Variants in PTPRT observed in about 807,000 individuals in gnomAD.
The protein encoded by PTPRT is receptor-type tyrosine-protein phosphatase T.
In PTPRT, 56 loss-of-function variants were observed where a neutral mutation model predicts 176.8. The ratio of observed to expected loss-of-function variants is 0.32; its 90% confidence interval spans 0.26 to 0.40. The LOEUF (loss-of-function observed/expected upper bound fraction) is 0.40, where lower values mean the gene tolerates loss of function less well. Ranked by LOEUF, PTPRT falls within the 10% of genes least tolerant of loss-of-function variation. The pLI, the probability that PTPRT is intolerant of heterozygous loss-of-function variation, is 1.00. For synonymous variants in PTPRT, 783 were observed against 739.0 expected, an observed-to-expected ratio of 1.06 and a Z score of -0.96; for missense variants, 1,540 against 1,908.2, an observed-to-expected ratio of 0.81 and a Z score of 3.60.
intron 16 of PTPRT, among the ~76,000 whole-genome samples, chr20:42,166,392 A>C (rs1169154160): frequency 6.6e-6 from 1 of 152,172 alleles, no homozygotes; most frequent in Non-Finnish European, 1.5e-5. Flanking sequence ...TGAGGAAATG[A>C]ATGTTTAATT....
chr20:42,632,153 C>T (rs994523839), intron 7 of PTPRT, among the ~76,000 whole-genome samples: 6 of 152,156 alleles, frequency 3.9e-5, no homozygotes, highest in African/African-American at 1.4e-4. Flanking sequence ...CATTGTCACA[C>T]ACTGTTGCTG....
chr20:42,299,641 C>CTTTTTTTTTTTTTTTTTT (rs34045854), intron 12 of PTPRT, among the ~76,000 whole-genome samples: 1 of 85,994 alleles, frequency 1.2e-5, no homozygotes, highest in Non-Finnish European at 2.1e-5. Flanking sequence ...GAACTTTTGC[C>CTTTTTTTTTTTTTTTTTT]TTTTTTTTTT....
intron 1 of PTPRT, among the ~76,000 whole-genome samples, chr20:42,903,829 G>C (rs1006412758): frequency 1.3e-5 from 2 of 152,158 alleles, no homozygotes; most frequent in South Asian, 2.1e-4. Context: ...ATGGTGTCTT[G>C]GGTAGATGTA....
intron 11 of PTPRT, among the ~76,000 whole-genome samples, chr20:42,323,274 G>T (rs1401116932): frequency 6.6e-6 from 1 of 152,102 alleles, no homozygotes; most frequent in Non-Finnish European, 1.5e-5. Flanking sequence ...ATACCCAAAG[G>T]ATTATAAATC....
intron 14 of PTPRT, among the ~76,000 whole-genome samples, chr20:42,239,090 G>T (rs921340808): frequency 6.6e-6 from 1 of 152,048 alleles, no homozygotes; most frequent in African/African-American, 2.4e-5. Flanking sequence ...TCAGTAAAGG[G>T]TGGCTTATGT....
intron 7 of PTPRT, among the ~76,000 whole-genome samples, chr20:42,526,260 C>G (rs960003311): frequency 1.3e-5 from 2 of 152,070 alleles, no homozygotes; most frequent in African/African-American, 4.8e-5. Flanking sequence ...TCTTTGGGGC[C>G]ACCACATATG....
chr20:42,051,234 CAG>C, the PTPRT span, among the ~76,000 whole-genome samples: 1 of 152,092 alleles, frequency 6.6e-6, no homozygotes, highest in Non-Finnish European at 1.5e-5. Flanking sequence ...AGCAGTGTGT[CAG>C]TGTGTCAGTG....
chr20:42,807,997 T>C (rs2077637621), intron 2 of PTPRT, among the ~76,000 whole-genome samples: 2 of 152,162 alleles, frequency 1.3e-5, no homozygotes, highest in Non-Finnish European at 2.9e-5. Context: ...CAGTAGCCCC[T>C]CCAGGGACTG....
At chr20:42,232,813 CAAAAAAAAAA>C (rs5841454) in intron 15 of PTPRT, among the ~76,000 whole-genome samples, 3 of 63,242 alleles carry the variant, frequency 4.7e-5, no homozygotes, top group East Asian at 8.4e-4. Context: ...CTCTGTTTTA[CAAAAAAAAAA>C]AAAAAAAAAA....
chr20:42,254,759 T>G (rs2056608820), intron 13 of PTPRT, among the ~76,000 whole-genome samples: 1 of 152,206 alleles, frequency 6.6e-6, no homozygotes, highest in Non-Finnish European at 1.5e-5. Context: ...TCCAAAGTCC[T>G]GCATCAGAGT....
chr20:42,281,502 T>C (rs1377001647), intron 13 of PTPRT, among the ~76,000 whole-genome samples: 3 of 152,194 alleles, frequency 2.0e-5, no homozygotes, highest in Admixed American at 1.3e-4. Context: ...GTAGATTTTT[T>C]TCTCTCTTTT....
chr20:43,056,903 C>T (rs1381171209), intron 1 of PTPRT, among the ~76,000 whole-genome samples: 2 of 152,072 alleles, frequency 1.3e-5, no homozygotes, highest in Non-Finnish European at 2.9e-5. Flanking sequence ...GGAAATTTTT[C>T]CTCAAGCGTC....
chr20:42,120,922 T>C (rs1173833646), intron 19 of PTPRT, among the ~76,000 whole-genome samples: 1 of 152,236 alleles, frequency 6.6e-6, no homozygotes, highest in East Asian at 1.9e-4. Context: ...TTGACAGTCC[T>C]GAAATCCACT....
chr20:42,808,121 C>A (rs75816727), intron 2 of PTPRT, among the ~76,000 whole-genome samples: 1 of 152,178 alleles, frequency 6.6e-6, no homozygotes, highest in Non-Finnish European at 1.5e-5. Context: ...CAGACTCGGA[C>A]GGGCCATTTT....
At chr20:42,316,078 C>T (rs554136266) in intron 11 of PTPRT, 82 bp from the exon 12 acceptor site, 7 of 1,472,732 alleles carry the variant, frequency 4.8e-6, no homozygotes, top group East Asian at 2.3e-5. Flanking sequence ...GTCAACCCAA[C>T]TTCTCCTATG....
intron 1 of PTPRT, among the ~76,000 whole-genome samples, chr20:43,030,330 T>C (rs1294182099): frequency 6.6e-6 from 1 of 152,016 alleles, no homozygotes; most frequent in East Asian, 1.9e-4. Context: ...CTATCAGGAG[T>C]TGTGGAGGGC....
At chr20:42,697,727 A>G (rs572347437) in intron 6 of PTPRT, among the ~76,000 whole-genome samples, 3 of 152,370 alleles carry the variant, frequency 2.0e-5, no homozygotes, top group South Asian at 2.1e-4. Flanking sequence ...CTTTGTGGGC[A>G]TGTACACAAT....
intron 12 of PTPRT, among the ~76,000 whole-genome samples, chr20:42,303,520 C>T (rs1394325119): frequency 5.3e-5 from 8 of 152,192 alleles, no homozygotes; most frequent in Admixed American, 4.6e-4. Context: ...GGACTTTTAA[C>T]TGCATTTTTC....
At chr20:42,481,777 A>AACAC (rs11468323) in intron 7 of PTPRT, among the ~76,000 whole-genome samples, 100 of 144,598 alleles carry the variant, frequency 6.9e-4, no homozygotes, top group Admixed American at 1.8e-3. Context: ...TACACACACA[A>AACAC]ACACACACAC....
Sources: allele counts gnomAD v4.1 joint callset (sites outside exome capture counted in the v4.1 genomes callset), GRCh38; gene constraint gnomAD v4.1.1; transcripts MANE v1.5; gene names NCBI Gene and HGNC (gene_info 2026-07-23, HGNC 2026-07-21).